TMC1: variants seen among roughly 807,000 people sequenced by gnomAD.
TMC1 encodes transmembrane channel like 1.
TMC1 carries 84 observed loss-of-function variants against 105.8 expected under a neutral mutation model. The ratio of observed to expected loss-of-function variants is 0.79; its 90% CI spans 0.67 to 0.95. The LOEUF (loss-of-function observed/expected upper bound fraction) is 0.95, where lower values mean the gene tolerates loss of function less well. Among genes scored for constraint, TMC1 ranks in the 40% least tolerant of loss-of-function variants. TMC1 has a pLI of 0.00. For missense variants in TMC1, 817 were observed against 914.1 expected, an observed-to-expected ratio of 0.89 and a Z score of 1.37; for synonymous variants, 315 against 311.5, an observed-to-expected ratio of 1.01 and a Z score of -0.12.
intron 23 of TMC1, among the ~76,000 whole-genome samples, chr9:72,831,976 G>C (rs1372666124): frequency 2.6e-5 from 4 of 151,300 alleles, no homozygotes; most frequent in African/African-American, 7.3e-5. Flanking sequence ...TCTTTTTTGA[G>C]ACCTGGTCTG....
intron 5 of TMC1, among the ~76,000 whole-genome samples, chr9:72,658,882 G>T (rs1406150535): frequency 6.6e-6 from 1 of 152,202 alleles, no homozygotes; most frequent in Non-Finnish European, 1.5e-5. Context: ...CAGGGAAAAA[G>T]GGAGTGGTTC....
intron 12 of TMC1, among the ~76,000 whole-genome samples, chr9:72,759,864 G>A (rs1477313091): frequency 2.0e-5 from 3 of 152,108 alleles, no homozygotes; most frequent in East Asian, 1.9e-4. Context: ...CCTGTATTCC[G>A]CCCGTAATTT....
intron 5 of TMC1, among the ~76,000 whole-genome samples, chr9:72,649,762 T>A (rs1327093200): frequency 1.3e-5 from 2 of 152,180 alleles, no homozygotes; most frequent in African/African-American, 4.8e-5. Flanking sequence ...GATTCAAATC[T>A]TATGGAAGAT....
intron 18 of TMC1, 150 bp from the exon 19 acceptor site, chr9:72,815,993 A>T: frequency 2.8e-6 from 2 of 704,596 alleles, no homozygotes; most frequent in Non-Finnish European, 2.5e-6. Context: ...TCTTTGTTTT[A>T]TTTATATCTG....
At chr9:72,754,410 T>A (rs974437297) in intron 11 of TMC1, among the ~76,000 whole-genome samples, 10 of 152,182 alleles carry the variant, frequency 6.6e-5, no homozygotes, top group Non-Finnish European at 1.5e-4. Flanking sequence ...GGGTATTCTC[T>A]TATGAAAGTG....
At chr9:72,707,291 G>A (rs1826759032) in intron 8 of TMC1, among the ~76,000 whole-genome samples, 1 of 152,088 alleles carries the variant, frequency 6.6e-6, no homozygotes, top group South Asian at 2.1e-4. Flanking sequence ...GGGATTGCTG[G>A]GTCAAATGGT....
intron 2 of TMC1, among the ~76,000 whole-genome samples, chr9:72,614,502 C>T (rs1825088072): frequency 6.6e-6 from 1 of 152,130 alleles, no homozygotes; most frequent in African/African-American, 2.4e-5. Flanking sequence ...AGGGACACGT[C>T]TTGAGAAAAA....
chr9:72,603,228 G>A (rs893249931), intron 2 of TMC1, among the ~76,000 whole-genome samples: 10 of 152,042 alleles, frequency 6.6e-5, no homozygotes, highest in South Asian at 2.1e-4. Context: ...ACTCATTGCC[G>A]GAGTCACTGA....
intron 4 of TMC1, among the ~76,000 whole-genome samples, chr9:72,635,263 AAAAG>A (rs577144094): frequency 8.9e-4 from 135 of 152,114 alleles, no homozygotes; most frequent in Non-Finnish European, 1.5e-3. Flanking sequence ...CAAAAAAAAA[AAAAG>A]AAAGAAAAGA....
Position 72,638,986 on chromosome 9 carries a change from A to G in TMC1, c.-52-9611A>G, listed in dbSNP as rs56733839. Among the ~76,000 whole-genome samples the G allele has an allele frequency of 3.1e-3, 469 of 152,316 alleles. 4 individuals are homozygous for G. The highest frequency in any genetic ancestry group is 0.011 in the African/African-American group (452 of 41,568). On this transcript the variant is annotated intron_variant, in intron 4 of 23. Coordinates refer to ENST00000297784, the MANE Select transcript of TMC1 (RefSeq NM_138691.3). ...TTTCTTTACCGAAGAGCATAGAGAA[A>G]TAAGGGAGTAATTTATCAACCTACC...
chr9:72,655,903 T>C lies in TMC1; in HGVS notation c.16+7239T>C. The C allele has an allele frequency of 5.1e-6, 4 of 790,270 alleles. No homozygotes were observed. The South Asian group carries it at 5.3e-5, about 11-fold the overall frequency. The allele number at this position is 790,270 out of a possible 1,614,324, so 49.0% of individuals were successfully genotyped here. ...CTGATGGAAGTAATCTGCTTAACAATCTCAGAAGGACTGAGCAAGTCAATG... is the reference window on the plus strand; with the variant it reads ...CTGATGGAAGTAATCTGCTTAACAACCTCAGAAGGACTGAGCAAGTCAATG... On this transcript the variant is annotated intron_variant, in intron 5 of 23. Coordinates refer to ENST00000297784, the MANE Select transcript of TMC1 (RefSeq NM_138691.3).
intron 20 of TMC1, among the ~76,000 whole-genome samples, chr9:72,821,779 C>T (rs1828878268): frequency 6.6e-6 from 1 of 152,152 alleles, no homozygotes; most frequent in Admixed American, 6.5e-5. Flanking sequence ...TCAGCTATCA[C>T]TACTTCTCTT....
At position 72,836,027 on chromosome 9, in the gene TMC1, AT is replaced by A. The variant is rs1433070283; in HGVS notation, c.*55del. 1.3e-6 allele frequency: 2 copies of A among 1,592,180 alleles called. No homozygotes were observed. Among genetic ancestry groups the A allele is most frequent in the Non-Finnish European group, 1.7e-6 (2 of 1,164,960 alleles). ...CACTTTGCCTTGCTGTTTAAAAGTA[AT>A]GCAATATGTGAACGCCCAGAGAACA... On this transcript the variant is annotated 3_prime_UTR_variant, in exon 24 of 24. Transcript: ENST00000297784.
intron 2 of TMC1, among the ~76,000 whole-genome samples, chr9:72,591,899 A>G (rs1272573415): frequency 1.3e-5 from 2 of 152,112 alleles, no homozygotes; most frequent in Non-Finnish European, 1.5e-5. Flanking sequence ...TCTGGGTATC[A>G]TTGATTTAGT....
At chr9:72,639,970 T>G (rs542228474) in intron 4 of TMC1, among the ~76,000 whole-genome samples, 1 of 152,334 alleles carries the variant, frequency 6.6e-6, no homozygotes, top group South Asian at 2.1e-4. Context: ...AAGAACCAAT[T>G]TCATAGCCTA....
At chr9:72,781,165 C>A (rs570104332) in intron 13 of TMC1, among the ~76,000 whole-genome samples, 59 of 152,258 alleles carry the variant, frequency 3.9e-4, no homozygotes, top group Middle Eastern at 3.4e-3. Context: ...CCAAGAGGAT[C>A]TCTAAAAATC....
In TMC1 at chr9:72,637,992, T is replaced by G. The variant is rs775380099; in HGVS notation, c.-53+9929T>G. The stretch of plus-strand genomic sequence containing the variant: ...GAAGTTTCTTGAATTGCTGTAGTTC[T>G]TATGGTGTTCTGCTGAAGCCGTGTA... On this transcript the variant is annotated intron_variant, in intron 4 of 23. Transcript: ENST00000297784. Among the ~76,000 whole-genome samples the G allele has an allele frequency of 6.3e-4, 96 of 152,116 alleles. 1 individual carries two copies. Among genetic ancestry groups the G allele is most frequent in the Non-Finnish European group, 1.0e-4 (7 of 67,992 alleles).
rs760340183 is a variant in TMC1, at chr9:72,805,521, T to C, written c.1695+11T>C. 1.3e-6 allele frequency: 2 copies of C among 1,583,418 alleles called. No individual in the cohort carries two copies. Among genetic ancestry groups the C allele is most frequent in the Non-Finnish European group, 1.7e-6 (2 of 1,170,046 alleles). The stretch of plus-strand genomic sequence containing the variant: ...TTGGAGTATGGATATGTAAGTATGA[T>C]GTTAATTTTGCTTTTTTTTTTTTTT... On this transcript the variant is annotated intron_variant, in intron 18 of 23. Coordinates refer to ENST00000297784, the MANE Select transcript of TMC1 (RefSeq NM_138691.3).
chr9:72,533,198 C>T (rs1823527175), intron 1 of TMC1, among the ~76,000 whole-genome samples: 1 of 152,122 alleles, frequency 6.6e-6, no homozygotes, highest in Admixed American at 6.5e-5. Flanking sequence ...ACACTGAGCC[C>T]CTTTTTGTGG....
Sources: gnomAD v4.1 joint callset for allele counts (sites outside exome capture counted in the v4.1 genomes callset) on GRCh38, gnomAD v4.1.1 for gene constraint, MANE v1.5 for transcripts, NCBI Gene and HGNC (gene_info 2026-07-23, HGNC 2026-07-21) for gene names.